The following SLC14A2 variants were observed in gnomAD, a reference collection of about 807,000 sequenced individuals.
SLC14A2 encodes the protein solute carrier family 14 member 2, also known as urea transporter 2.
In SLC14A2, 91 loss-of-function variants were observed where a neutral mutation model predicts 104.6. The observed-to-expected ratio is 0.87, with a 90% CI of 0.73 to 1.04. The LOEUF is 1.04. SLC14A2 is among the 50% of genes least tolerant of loss of function. SLC14A2 has a pLI of 0.00. For synonymous variants in SLC14A2, 476 were observed against 466.4 expected, an observed-to-expected ratio of 1.02 and a Z score of -0.27; for missense variants, 1,189 against 1,156.0, an observed-to-expected ratio of 1.03 and a Z score of -0.41.
At chr18:45,256,006 T>C (rs2084474111) in intron 1 of SLC14A2, among the ~76,000 whole-genome samples, 3 of 152,160 alleles carry the variant, frequency 2.0e-5, no homozygotes, top group African/African-American at 7.2e-5. Flanking sequence ...GGGGCAGTCA[T>C]TGTACTTTTG....
At chr18:45,382,098 C>A (rs185700885) in intron 1 of SLC14A2, among the ~76,000 whole-genome samples, 140 of 152,278 alleles carry the variant, frequency 9.2e-4, no homozygotes, top group Non-Finnish European at 1.6e-3. Context: ...ACAGGATAGG[C>A]CAGGGGCTCA....
chr18:45,391,496 GC>G (rs1472448807), intron 1 of SLC14A2, among the ~76,000 whole-genome samples: 1 of 152,104 alleles, frequency 6.6e-6, no homozygotes, highest in Non-Finnish European at 1.5e-5. Flanking sequence ...CTGAGGAATC[GC>G]CCCACTGACT....
At chr18:45,662,030 C>T (rs868309476) in intron 10 of SLC14A2, among the ~76,000 whole-genome samples, 19 of 152,208 alleles carry the variant, frequency 1.2e-4, no homozygotes, top group Admixed American at 9.2e-4. Flanking sequence ...CAAGGCTGGG[C>T]GCTGTAGCTC....
intron 1 of SLC14A2, among the ~76,000 whole-genome samples, chr18:45,397,549 AG>A (rs1299042377): frequency 3.3e-5 from 5 of 152,274 alleles, no homozygotes; most frequent in African/African-American, 1.2e-4. Context: ...AGTTCCTTAT[AG>A]ATGTTGGATA....
At chr18:45,293,303 C>T (rs1230510130) in intron 1 of SLC14A2, among the ~76,000 whole-genome samples, 1 of 152,056 alleles carries the variant, frequency 6.6e-6, no homozygotes, top group East Asian at 1.9e-4. Flanking sequence ...TTCATAAACA[C>T]TTATTGAGTA....
At chr18:45,274,415 C>T (rs550284030) in intron 1 of SLC14A2, among the ~76,000 whole-genome samples, 1 of 152,230 alleles carries the variant, frequency 6.6e-6, no homozygotes, top group East Asian at 1.9e-4. Context: ...GATGCCTTGA[C>T]CATTGTTTGC....
the SLC14A2 span, among the ~76,000 whole-genome samples, chr18:45,203,287 A>G: frequency 2.0e-5 from 3 of 152,080 alleles, no homozygotes; most frequent in South Asian, 2.1e-4. Context: ...CTTTGCCTTG[A>G]TCACCTGAGA....
At position 45,540,701 on chromosome 18, in the gene SLC14A2, C is replaced by T. The variant is rs141635689; in HGVS notation, c.-35+57379C>T. Among the ~76,000 whole-genome samples the T allele has an allele frequency of 1.2e-4, 19 of 152,166 alleles. No homozygotes were observed. In the East Asian group the frequency reaches 2.1e-3, roughly 17 times the overall value. On this transcript the variant is annotated intron_variant, in intron 2 of 20. Transcript: ENST00000586448. ...TGGAGTTTGCAGTGAGCTGAGATCA[C>T]GCCACTGAACTCCAGCCTGGACAAC...
the SLC14A2 span, among the ~76,000 whole-genome samples, chr18:45,189,930 T>G: frequency 0.25 from 37,703 of 151,788 alleles, 4,866 homozygotes; most frequent in Non-Finnish European, 0.3. Flanking sequence ...GCTCTCAGAG[T>G]TCCCTGGGAA....
At chr18:45,407,188 G>T (rs1020986031) in intron 1 of SLC14A2, among the ~76,000 whole-genome samples, 1 of 152,150 alleles carries the variant, frequency 6.6e-6, no homozygotes, top group Non-Finnish European at 1.5e-5. Context: ...CTTCATCAAT[G>T]ATCTTGGCTA....
intron 10 of SLC14A2, among the ~76,000 whole-genome samples, chr18:45,654,800 C>T (rs1193323679): frequency 6.6e-6 from 1 of 152,156 alleles, no homozygotes; most frequent in Non-Finnish European, 1.5e-5. Context: ...TCCATCAGCC[C>T]TCAAATCCCT....
chr18:45,202,081 G>A, the SLC14A2 span, among the ~76,000 whole-genome samples: 1 of 152,008 alleles, frequency 6.6e-6, no homozygotes, highest in African/African-American at 2.4e-5. Context: ...AGAACTAAGG[G>A]CAATACTTCA....
At chr18:45,432,574 A>G (rs1246623643) in intron 1 of SLC14A2, among the ~76,000 whole-genome samples, 2 of 152,168 alleles carry the variant, frequency 1.3e-5, no homozygotes, top group African/African-American at 2.4e-5. Context: ...GACAGAGCCC[A>G]AGAGAAGTCA....
the SLC14A2 span, among the ~76,000 whole-genome samples, chr18:45,204,351 C>A: frequency 2.0e-4 from 31 of 152,176 alleles, no homozygotes; most frequent in Non-Finnish European, 2.9e-5. Flanking sequence ...TGGAAACCTT[C>A]GGGTCTACTT....
At chr18:45,595,630 T>A (rs1391088452) in intron 2 of SLC14A2, among the ~76,000 whole-genome samples, 2 of 152,168 alleles carry the variant, frequency 1.3e-5, no homozygotes, top group Non-Finnish European at 2.9e-5. Context: ...GCAATTAGAT[T>A]CTCCTTTCCA....
chr18:45,543,944 T>TA (rs1056308348), intron 2 of SLC14A2, among the ~76,000 whole-genome samples: 2 of 152,192 alleles, frequency 1.3e-5, no homozygotes, highest in Non-Finnish European at 2.9e-5. Flanking sequence ...CAGCCCCAAG[T>TA]AAAAATGCTG....
intron 1 of SLC14A2, chr18:45,424,261 A>T (rs982085347): frequency 2.6e-5 from 4 of 152,290 alleles, no homozygotes; most frequent in Non-Finnish European, 5.9e-5. Flanking sequence ...TAACTTTGCC[A>T]TCAAATAGCT....
At chr18:45,415,743 G>A (rs1378359366) in intron 1 of SLC14A2, among the ~76,000 whole-genome samples, 1 of 152,110 alleles carries the variant, frequency 6.6e-6, no homozygotes, top group Non-Finnish European at 1.5e-5. Flanking sequence ...GGGCTGAGTG[G>A]AGCTGAAATC....
intron 1 of SLC14A2, among the ~76,000 whole-genome samples, chr18:45,237,335 G>A (rs1477166726): frequency 6.6e-6 from 1 of 152,150 alleles, no homozygotes; most frequent in Non-Finnish European, 1.5e-5. Flanking sequence ...GCCCAGGAGA[G>A]TGTCCCTGGT....
Sources: gnomAD v4.1 joint callset for allele counts (sites outside exome capture counted in the v4.1 genomes callset) on GRCh38, gnomAD v4.1.1 for gene constraint, MANE v1.5 for transcripts, NCBI Gene and HGNC (gene_info 2026-07-23, HGNC 2026-07-21) for gene names.